MNAT1: variants seen among roughly 807,000 people sequenced by gnomAD.
MNAT1 encodes the protein CDK-activating kinase assembly factor MAT1.
In MNAT1, 43 loss-of-function variants were observed where a neutral mutation model predicts 42.0. That is an observed-to-expected ratio of 1.02 (90% CI 0.80 to 1.32). The LOEUF (loss-of-function observed/expected upper bound fraction) is 1.32, where lower values mean the gene tolerates loss of function less well. MNAT1 is among the 40% of genes most tolerant of loss of function. The probability of loss-of-function intolerance (pLI) is 0.00; values close to 1 mark genes in which losing one functional copy is unlikely to be tolerated. For missense variants in MNAT1, 306 were observed against 350.4 expected, an observed-to-expected ratio of 0.87 and a Z score of 1.01; for synonymous variants, 118 against 120.0, an observed-to-expected ratio of 0.98 and a Z score of 0.11.
At chr14:60,908,769 G>A (rs577245937) in intron 7 of MNAT1, among the ~76,000 whole-genome samples, 24 of 152,298 alleles carry the variant, frequency 1.6e-4, no homozygotes, top group African/African-American at 5.1e-4. Flanking sequence ...TGTGAATAGT[G>A]CCGCAGTAAA....
At chr14:60,949,783 G>C (rs2036347722) in intron 7 of MNAT1, among the ~76,000 whole-genome samples, 1 of 152,062 alleles carries the variant, frequency 6.6e-6, no homozygotes, top group Non-Finnish European at 1.5e-5. Context: ...AGTGGGCATA[G>C]ATTATTTTTT....
At chr14:60,917,613 T>A (rs1277573480) in intron 7 of MNAT1, among the ~76,000 whole-genome samples, 1 of 151,506 alleles carries the variant, frequency 6.6e-6, no homozygotes, top group Non-Finnish European at 1.5e-5. Flanking sequence ...GAGTTTTGTT[T>A]TTTTTTTGTT....
At chr14:60,752,930 A>G (rs1031886672) in intron 1 of MNAT1, among the ~76,000 whole-genome samples, 3 of 152,036 alleles carry the variant, frequency 2.0e-5, no homozygotes, top group Admixed American at 2.0e-4. Flanking sequence ...ATGCCCGACT[A>G]ATTTTTGTAT....
chr14:60,933,501 A>G (rs1441159698), intron 7 of MNAT1, among the ~76,000 whole-genome samples: 1 of 152,198 alleles, frequency 6.6e-6, no homozygotes, highest in Admixed American at 6.5e-5. Context: ...GGAAAGTCAC[A>G]GGTTAAATTC....
At chr14:60,741,484 C>T (rs963232257) in intron 1 of MNAT1, among the ~76,000 whole-genome samples, 5 of 151,968 alleles carry the variant, frequency 3.3e-5, no homozygotes, top group African/African-American at 4.8e-5. Context: ...CTCAGCCTTC[C>T]GAGTAGCTGG....
At chr14:60,823,277 T>A (rs2139371282) in intron 6 of MNAT1, among the ~76,000 whole-genome samples, 1 of 152,292 alleles carries the variant, frequency 6.6e-6, no homozygotes, top group South Asian at 2.1e-4. Flanking sequence ...TGTGAGAGCT[T>A]GTTAGCAGCA....
intron 6 of MNAT1, among the ~76,000 whole-genome samples, chr14:60,845,402 A>AT (rs2139407958): frequency 6.6e-6 from 1 of 152,090 alleles, no homozygotes; most frequent in African/African-American, 2.4e-5. Flanking sequence ...TATTTTCTTA[A>AT]TTCTTTAAAT....
At chr14:60,905,469 T>C (rs1313607899) in intron 7 of MNAT1, among the ~76,000 whole-genome samples, 3 of 152,166 alleles carry the variant, frequency 2.0e-5, no homozygotes, top group African/African-American at 7.2e-5. Context: ...GATGTTCATG[T>C]TTGGAATTGG....
intron 7 of MNAT1, among the ~76,000 whole-genome samples, chr14:60,918,756 A>ATT (rs869110933): frequency 6.8e-6 from 1 of 147,962 alleles, no homozygotes; most frequent in African/African-American, 2.5e-5. Context: ...ATATATATAT[A>ATT]TTTTTGTCCT....
chr14:60,748,862 G>T (rs1429466232), intron 1 of MNAT1, among the ~76,000 whole-genome samples: 1 of 151,958 alleles, frequency 6.6e-6, no homozygotes, highest in Admixed American at 6.6e-5. Context: ...AACCAGTATC[G>T]TAGTCATTTA....
chr14:60,930,429 G>A (rs1478564023), intron 7 of MNAT1, among the ~76,000 whole-genome samples: 1 of 152,032 alleles, frequency 6.6e-6, no homozygotes, highest in Non-Finnish European at 1.5e-5. Context: ...ATATAATGGA[G>A]AGAAGTATGA....
intron 1 of MNAT1, among the ~76,000 whole-genome samples, chr14:60,779,698 A>C (rs1002297083): frequency 3.9e-5 from 6 of 152,072 alleles, no homozygotes; most frequent in Non-Finnish European, 1.5e-5. Flanking sequence ...AGGCAGGGGA[A>C]TCGCTTGAAC....
chr14:60,744,119 C>T (rs1036503527), intron 1 of MNAT1, among the ~76,000 whole-genome samples: 1 of 152,042 alleles, frequency 6.6e-6, no homozygotes, highest in Non-Finnish European at 1.5e-5. Flanking sequence ...CCTTGGCTAT[C>T]TCAGGGTTGG....
At chr14:60,888,279 C>G (rs2034734291) in intron 7 of MNAT1, among the ~76,000 whole-genome samples, 1 of 151,640 alleles carries the variant, frequency 6.6e-6, no homozygotes, top group African/African-American at 2.4e-5. Flanking sequence ...CCCTGGGATG[C>G]AAGGCTGGTT....
At chr14:60,890,720 A>G (rs960318500) in intron 7 of MNAT1, among the ~76,000 whole-genome samples, 2 of 152,204 alleles carry the variant, frequency 1.3e-5, no homozygotes, top group African/African-American at 4.8e-5. Context: ...GCATGGGAGA[A>G]AGATGAAGTC....
In MNAT1 at chr14:60,778,828, T is replaced by C. The variant is rs571334777; in HGVS notation, c.90-17389T>C. 1.3e-4 allele frequency among the ~76,000 whole-genome samples: 20 copies of C among 152,342 alleles called. No individual in the cohort carries two copies. In the South Asian group the frequency reaches 3.7e-3, roughly 28 times the overall value. ...CCCTCCAGAATGCTTGGCCATCATA[T>C]GGATATTCATTATATTAAGTATCCT... On this transcript the variant is annotated intron_variant, in intron 1 of 7. Transcript: ENST00000261245.
chr14:60,922,404 T>A (rs1179807364), intron 7 of MNAT1, among the ~76,000 whole-genome samples: 1 of 152,200 alleles, frequency 6.6e-6, no homozygotes, highest in African/African-American at 2.4e-5. Flanking sequence ...ATTAACATTT[T>A]TATTCGGTTA....
intron 7 of MNAT1, among the ~76,000 whole-genome samples, chr14:60,962,975 ATGTTTTT>A (rs200414763): frequency 2.6e-5 from 4 of 151,658 alleles, no homozygotes; most frequent in Non-Finnish European, 5.9e-5. Context: ...ATGAAGCCAT[ATGTTTTT>A]TGTTTTTTGT....
chr14:60,864,027 A>T (rs1258817774), intron 6 of MNAT1, among the ~76,000 whole-genome samples: 8 of 152,050 alleles, frequency 5.3e-5, no homozygotes, highest in Non-Finnish European at 1.2e-4. Flanking sequence ...TGAAGAAAAT[A>T]TTATTTTTGC....
Sources: allele counts gnomAD v4.1 joint callset (sites outside exome capture counted in the v4.1 genomes callset), GRCh38; gene constraint gnomAD v4.1.1; transcripts MANE v1.5; gene names NCBI Gene and HGNC (gene_info 2026-07-23, HGNC 2026-07-21).